The following ZNF536 variants were observed in gnomAD, a reference collection of about 807,000 sequenced individuals.
ZNF536 encodes zinc finger protein 536.
A neutral mutation model predicts 84.5 loss-of-function variants in ZNF536; 13 were observed. The observed-to-expected ratio is 0.15, with a 90% CI of 0.10 to 0.24. ZNF536 has a LOEUF of 0.24. ZNF536 is among the 10% of genes least tolerant of loss of function. The pLI is 1.00. For synonymous variants in ZNF536, 811 were observed against 742.5 expected, an observed-to-expected ratio of 1.09 and a Z score of -1.50; for missense variants, 1,536 against 1,747.5, an observed-to-expected ratio of 0.88 and a Z score of 2.16.
intron 1 of ZNF536, among the ~76,000 whole-genome samples, chr19:30,684,215 AC>A (rs1304832762): frequency 6.6e-6 from 1 of 152,002 alleles, no homozygotes; most frequent in Non-Finnish European, 1.5e-5. Flanking sequence ...GCTTACTGCA[AC>A]CCCTGCCTCC....
At chr19:30,654,846 C>A (rs944815768) in intron 1 of ZNF536, among the ~76,000 whole-genome samples, 1 of 151,934 alleles carries the variant, frequency 6.6e-6, no homozygotes, top group Non-Finnish European at 1.5e-5. Context: ...ACACACCCCC[C>A]CATGCTGGGC....
intron 2 of ZNF536, among the ~76,000 whole-genome samples, chr19:30,514,286 A>C (rs80005751): frequency 0.015 from 2,346 of 152,196 alleles, 69 homozygotes; most frequent in African/African-American, 0.053. Context: ...TCCCACCCTC[A>C]AAAAAATCAA....
At chr19:30,565,245 G>C (rs1205717859) in intron 1 of ZNF536, among the ~76,000 whole-genome samples, 1 of 150,770 alleles carries the variant, frequency 6.6e-6, no homozygotes, top group Non-Finnish European at 1.5e-5. Flanking sequence ...ATCTGGGCTT[G>C]TGACTGCCTG....
intron 1 of ZNF536, among the ~76,000 whole-genome samples, chr19:30,705,309 A>ATGTGTGTGTGTGTGTGTG (rs56199909): frequency 6.0e-5 from 9 of 149,222 alleles, no homozygotes; most frequent in African/African-American, 2.0e-4. Context: ...ACTCAGAAAG[A>ATGTGTGTGTGTGTGTGTG]TGTGTGTGTG....
At chr19:30,464,322 G>A (rs539015025) in intron 2 of ZNF536, among the ~76,000 whole-genome samples, 1 of 152,172 alleles carries the variant, frequency 6.6e-6, no homozygotes, top group Non-Finnish European at 1.5e-5. Flanking sequence ...TCTGCAGCCA[G>A]CTGGGGGTGT....
At chr19:30,326,791 CTTTTTTT>C (rs869076590) in intron 2 of ZNF536, among the ~76,000 whole-genome samples, 13 of 51,976 alleles carry the variant, frequency 2.5e-4, no homozygotes, top group South Asian at 1.2e-3. Context: ...TTATAAAAAG[CTTTTTTT>C]TTTTTTTTTT....
chr19:30,711,545 T>C (rs2052453547), exon 2 of ZNF536: 1 of 152,164 alleles, frequency 6.6e-6, no homozygotes. Context: ...CGTGGTGTTG[T>C]AACTGCACTC....
At chr19:30,411,703 A>T (rs1309499243) in intron 1 of ZNF536, among the ~76,000 whole-genome samples, 1 of 152,028 alleles carries the variant, frequency 6.6e-6, no homozygotes, top group East Asian at 1.9e-4. Context: ...CAATTATTAT[A>T]GTTTTACTGT....
At chr19:30,326,662 T>C (rs1644048930) in intron 2 of ZNF536, among the ~76,000 whole-genome samples, 1 of 151,958 alleles carries the variant, frequency 6.6e-6, no homozygotes, top group South Asian at 2.1e-4. Context: ...GTGAGACGGC[T>C]TTCGATGCGG....
At chr19:30,235,372 C>T (rs753418962) in intron 1 of ZNF536, among the ~76,000 whole-genome samples, 1 of 152,176 alleles carries the variant, frequency 6.6e-6, no homozygotes, top group Admixed American at 6.5e-5. Context: ...AATCATCCTT[C>T]TGAATAATGT....
intron 2 of ZNF536, among the ~76,000 whole-genome samples, chr19:30,485,552 C>A (rs1357199556): frequency 4.6e-5 from 7 of 152,172 alleles, no homozygotes; most frequent in African/African-American, 1.7e-4. Context: ...GTGCAGGACC[C>A]ATGAGCTTCT....
Position 30,481,401 on chromosome 19 carries a change from G to A in ZNF536, c.2170+35669G>A, listed in dbSNP as rs899272155. On this transcript the variant is annotated intron_variant, in intron 2 of 4. Transcript: ENST00000355537. ...CTGGGATCTCTCTGGTTGCACAGTC[G>A]GCATTATGACACGTTTGAGAGCATC... 7.2e-5 allele frequency among the ~76,000 whole-genome samples: 11 copies of A among 152,196 alleles called. No individual in the cohort carries two copies. The East Asian group carries it at 1.9e-3, about 27-fold the overall frequency.
intron 1 of ZNF536, among the ~76,000 whole-genome samples, chr19:30,698,378 TGG>T (rs1327470457): frequency 6.6e-6 from 1 of 152,188 alleles, no homozygotes; most frequent in African/African-American, 2.4e-5. Flanking sequence ...CATCTTACAT[TGG>T]TAGGGTATGT....
chr19:30,477,245 C>A (rs981131460), intron 2 of ZNF536, among the ~76,000 whole-genome samples: 5 of 152,150 alleles, frequency 3.3e-5, no homozygotes, highest in Non-Finnish European at 5.9e-5. Flanking sequence ...TTCCATTGTA[C>A]TGACACGTTC....
chr19:30,319,371 T>A (rs2046785979), intron 2 of ZNF536, among the ~76,000 whole-genome samples: 3 of 152,244 alleles, frequency 2.0e-5, no homozygotes, highest in African/African-American at 7.2e-5. Context: ...TGATGTTTTT[T>A]TTTTGCGAAA....
At chr19:30,273,139 C>T (rs754931700) in intron 1 of ZNF536, among the ~76,000 whole-genome samples, 22 of 152,210 alleles carry the variant, frequency 1.4e-4, no homozygotes, top group Non-Finnish European at 2.8e-4. Flanking sequence ...TAGGATCAAA[C>T]GATCCTCCTG....
At chr19:30,322,425 C>T (rs184722446) in intron 2 of ZNF536, among the ~76,000 whole-genome samples, 29 of 152,274 alleles carry the variant, frequency 1.9e-4, no homozygotes, top group East Asian at 3.9e-4. Flanking sequence ...CTCCACTGTG[C>T]TTGTCCATCC....
intron 1 of ZNF536, among the ~76,000 whole-genome samples, chr19:30,657,211 C>A (rs1361703874): frequency 6.6e-6 from 1 of 152,168 alleles, no homozygotes; most frequent in Non-Finnish European, 1.5e-5. Context: ...GGGGAGAGCT[C>A]TGGAGAGGGT....
chr19:30,484,080 C>A (rs1485350362), intron 2 of ZNF536, among the ~76,000 whole-genome samples: 1 of 152,090 alleles, frequency 6.6e-6, no homozygotes, highest in Non-Finnish European at 1.5e-5. Context: ...CGCTGGTGCA[C>A]CCTGCCCCAT....
Sources: allele counts gnomAD v4.1 joint callset (sites outside exome capture counted in the v4.1 genomes callset), GRCh38; gene constraint gnomAD v4.1.1; transcripts MANE v1.5; gene names NCBI Gene and HGNC (gene_info 2026-07-23, HGNC 2026-07-21).